The following SCRN1 variants were observed in gnomAD, a reference collection of about 807,000 sequenced individuals.
The protein encoded by SCRN1 is secernin 1.
In SCRN1, 19 loss-of-function variants were observed where a neutral mutation model predicts 43.3. The ratio of observed to expected loss-of-function variants is 0.44; its 90% CI spans 0.31 to 0.64. SCRN1 has a LOEUF of 0.64. Among genes scored for constraint, SCRN1 ranks in the 30% least tolerant of loss-of-function variants. SCRN1 has a pLI of 0.09. For missense variants in SCRN1, 447 were observed against 524.1 expected (o/e 0.85, Z 1.44); for synonymous variants, 183 against 188.9 (o/e 0.97, Z 0.26).
intron 2 of SCRN1, among the ~76,000 whole-genome samples, chr7:29,959,575 G>A (rs1479384498): frequency 2.0e-5 from 3 of 151,862 alleles, no homozygotes; most frequent in Non-Finnish European, 4.4e-5. Flanking sequence ...CTCCATGTTT[G>A]TTTTTATTTT....
intron 3 of SCRN1, among the ~76,000 whole-genome samples, chr7:29,949,936 A>T (rs1583669170): frequency 6.6e-6 from 1 of 152,260 alleles, no homozygotes; most frequent in East Asian, 1.9e-4. Context: ...TCGCCTCCTA[A>T]AGTGGTGATA....
chr7:29,946,606 T>C (rs188216401), intron 3 of SCRN1, among the ~76,000 whole-genome samples: 1 of 152,376 alleles, frequency 6.6e-6, no homozygotes, highest in Admixed American at 6.5e-5. Flanking sequence ...ACTGAGGCCC[T>C]AGACTTGCAC....
intron 6 of SCRN1, among the ~76,000 whole-genome samples, chr7:29,932,952 C>G (rs1482465319): frequency 6.6e-6 from 1 of 152,088 alleles, no homozygotes; most frequent in African/African-American, 2.4e-5. Context: ...TCTCAGCTCA[C>G]TGCAACCTTT....
At chr7:29,952,694 A>AAGAGAG (rs372707934) in intron 3 of SCRN1, among the ~76,000 whole-genome samples, 1 of 148,840 alleles carries the variant, frequency 6.7e-6, no homozygotes, top group Non-Finnish European at 1.5e-5. Context: ...AAAAAAAAAA[A>AAGAGAG]AGAGAGAGAG....
intron 1 of SCRN1, among the ~76,000 whole-genome samples, chr7:29,983,453 TA>T (rs55905237): frequency 0.024 from 3,311 of 140,236 alleles, 45 homozygotes; most frequent in East Asian, 0.043. Flanking sequence ...GAAGTATAAT[TA>T]AAAAAAAAAA....
At chr7:29,963,326 G>A (rs1788390549) in intron 2 of SCRN1, among the ~76,000 whole-genome samples, 1 of 152,164 alleles carries the variant, frequency 6.6e-6, no homozygotes, top group African/African-American at 2.4e-5. Flanking sequence ...ATGCATAGAG[G>A]AGTATCAGGC....
At chr7:29,945,505 T>C (rs1156883603) in intron 3 of SCRN1, among the ~76,000 whole-genome samples, 1 of 152,240 alleles carries the variant, frequency 6.6e-6, no homozygotes, top group Non-Finnish European at 1.5e-5. Context: ...ATCTATAAAA[T>C]GAACGCCCAC....
chr7:29,963,987 C>G (rs1488129651), intron 2 of SCRN1, among the ~76,000 whole-genome samples: 1 of 152,100 alleles, frequency 6.6e-6, no homozygotes, highest in African/African-American at 2.4e-5. Flanking sequence ...GCCTGATATT[C>G]AGTTTTTTTG....
At chr7:29,978,352 T>C (rs981800527) in intron 1 of SCRN1, among the ~76,000 whole-genome samples, 2 of 152,226 alleles carry the variant, frequency 1.3e-5, no homozygotes, top group African/African-American at 4.8e-5. Context: ...CATTCCCGCA[T>C]GATGGCAAGA....
intron 3 of SCRN1, among the ~76,000 whole-genome samples, chr7:29,954,720 G>A (rs183800952): frequency 2.0e-3 from 297 of 152,174 alleles, no homozygotes; most frequent in Middle Eastern, 3.4e-3. Context: ...CGTTGTTGTC[G>A]CCTCAGCTGG....
At chr7:29,984,647 A>G (rs1194549859) in intron 1 of SCRN1, among the ~76,000 whole-genome samples, 1 of 151,926 alleles carries the variant, frequency 6.6e-6, no homozygotes, top group African/African-American at 2.4e-5. Context: ...TACAAATTAA[A>G]GGGCCAGGCG....
intron 1 of SCRN1, among the ~76,000 whole-genome samples, chr7:29,982,081 T>C (rs941240235): frequency 8.5e-5 from 13 of 152,232 alleles, no homozygotes; most frequent in African/African-American, 1.4e-4. Context: ...TCCTCACTTA[T>C]GGGCTCTTCC....
At chr7:29,982,057 C>G (rs1789006941) in intron 1 of SCRN1, among the ~76,000 whole-genome samples, 1 of 152,196 alleles carries the variant, frequency 6.6e-6, no homozygotes, top group Non-Finnish European at 1.5e-5. Context: ...CTAGCTCACT[C>G]CCACTGACTC....
chr7:29,969,112 G>A, intron 1 of SCRN1, 44 bp from the exon 2 acceptor site: 1 of 1,589,286 alleles, frequency 6.3e-7, no homozygotes, highest in Non-Finnish European at 8.6e-7. Flanking sequence ...GCCTCACATG[G>A]AACACTCCAA....
chr7:29,936,181 T>G (rs1226919755), intron 6 of SCRN1, among the ~76,000 whole-genome samples: 1 of 152,240 alleles, frequency 6.6e-6, no homozygotes, highest in Non-Finnish European at 1.5e-5. Flanking sequence ...CACATCTCTC[T>G]GTCTCGCTGT....
chr7:29,947,551 T>C lies in SCRN1; in HGVS notation c.342-3372A>G, dbSNP rs141707177. On this transcript the variant is annotated intron_variant, in intron 3 of 7. Transcript: ENST00000242059. ...TAGAAAGGTGGGCCTAGTATTCTTATAGGACTCAGGTGCAAATAATCTTCC... is the reference window on the plus strand; with the variant it reads ...TAGAAAGGTGGGCCTAGTATTCTTACAGGACTCAGGTGCAAATAATCTTCC... Among the ~76,000 whole-genome samples the C allele has an allele frequency of 2.6e-4, 39 of 152,326 alleles. 1 individual carries two copies. The highest frequency in any genetic ancestry group is 9.1e-4 in the African/African-American group (38 of 41,570).
chr7:29,955,509 C>A, intron 2 of SCRN1, 149 bp from the exon 3 acceptor site: 2 of 706,344 alleles, frequency 2.8e-6, no homozygotes, highest in Non-Finnish European at 4.6e-6. Flanking sequence ...TAAGTCTTCA[C>A]AATGCAGCTC....
upstream of SCRN1, chr7:29,990,157 C>T (rs746935569): frequency 3.9e-6 from 6 of 1,551,484 alleles, no homozygotes; most frequent in South Asian, 3.6e-5. Context: ...CACAAGATTT[C>T]CCCGGAGAGA....
At position 29,944,179 on chromosome 7, in the gene SCRN1, C is replaced by A; in HGVS notation, c.342G>T (p.Arg114Ser). The A allele has an allele frequency of 6.2e-7, 1 of 1,614,114 alleles. No homozygotes were observed. Residue 114 changes from arginine (R) to serine (S), a missense_variant and splice_region_variant, in exon 4 of 8, where the codon AGG becomes AGT. Coordinates refer to ENST00000242059, the MANE Select transcript of SCRN1 (RefSeq NM_014766.5). ...CTGTTTCCCCTCTTTCTAAACCAAGCCTGCAGGAAGGAAACCAGAACCATA... is the reference window on the plus strand; with the variant it reads ...CTGTTTCCCCTCTTTCTAAACCAAGACTGCAGGAAGGAAACCAGAACCATA... ...IEALLGMDLV[R>S]LGLERGETAK...
Sources: gnomAD v4.1 joint callset for allele counts (sites outside exome capture counted in the v4.1 genomes callset) on GRCh38, gnomAD v4.1.1 for gene constraint, MANE v1.5 for transcripts, NCBI Gene and HGNC (gene_info 2026-07-23, HGNC 2026-07-21) for gene names.